BCAS3: variants seen among roughly 807,000 people sequenced by gnomAD.
BCAS3 encodes the protein BCAS4/BCAS3 fusion.
A neutral mutation model predicts 116.1 loss-of-function variants in BCAS3; 53 were observed. The observed-to-expected ratio is 0.46, with a 90% confidence interval of 0.37 to 0.57. BCAS3 has a LOEUF of 0.57. BCAS3 is among the 20% of genes least tolerant of loss of function. BCAS3 has a pLI of 0.00. For missense variants in BCAS3, 917 were observed against 1,165.4 expected (o/e 0.79, Z 3.10); for synonymous variants, 391 against 408.2 (o/e 0.96, Z 0.51).
intron 22 of BCAS3, among the ~76,000 whole-genome samples, chr17:61,210,326 T>C (rs999889033): frequency 3.9e-5 from 6 of 152,178 alleles, no homozygotes; most frequent in Admixed American, 6.6e-5. Context: ...GATCCTGTTG[T>C]ATACAAAGGA....
chr17:60,827,271 C>T (rs946997809), intron 7 of BCAS3, among the ~76,000 whole-genome samples: 1 of 152,184 alleles, frequency 6.6e-6, no homozygotes, highest in Non-Finnish European at 1.5e-5. Context: ...AGGTGTGCCT[C>T]ATACTATTTG....
chr17:60,818,534 A>G (rs2049642642), intron 7 of BCAS3, among the ~76,000 whole-genome samples: 1 of 152,246 alleles, frequency 6.6e-6, no homozygotes, highest in East Asian at 1.9e-4. Context: ...GCCCTTATAT[A>G]TGATACCTGA....
intron 14 of BCAS3, among the ~76,000 whole-genome samples, chr17:60,957,320 G>A (rs934538283): frequency 1.5e-4 from 23 of 152,236 alleles, no homozygotes; most frequent in African/African-American, 5.5e-4. Flanking sequence ...GTTATTAACT[G>A]ATAACTATTT....
intron 7 of BCAS3, among the ~76,000 whole-genome samples, chr17:60,862,451 A>T (rs1413303239): frequency 6.6e-6 from 1 of 152,044 alleles, no homozygotes; most frequent in Non-Finnish European, 1.5e-5. Context: ...GCTTTTTCTC[A>T]TTGGTAGGTT....
At chr17:60,709,097 G>A (rs1598205999) in intron 4 of BCAS3, 122 bp from the exon 5 acceptor site, 4 of 553,174 alleles carry the variant, frequency 7.2e-6, no homozygotes, top group Admixed American at 6.7e-5. Context: ...GCTATGAAGA[G>A]AAGAGAGGAT....
intron 19 of BCAS3, among the ~76,000 whole-genome samples, chr17:61,067,740 A>AATATATAT (rs1334028912): frequency 5.2e-4 from 70 of 133,716 alleles, no homozygotes; most frequent in African/African-American, 2.1e-3. Flanking sequence ...AAAAAAAAAA[A>AATATATAT]ATATATATAT....
chr17:61,115,817 A>C (rs2075395453), intron 22 of BCAS3, among the ~76,000 whole-genome samples: 2 of 150,926 alleles, frequency 1.3e-5, no homozygotes. Flanking sequence ...CATTATTCAC[A>C]ATAGCAAAGA....
chr17:60,977,081 C>T (rs1568014818), intron 14 of BCAS3, among the ~76,000 whole-genome samples: 3 of 151,994 alleles, frequency 2.0e-5, no homozygotes, highest in Admixed American at 1.3e-4. Flanking sequence ...CTGCACCTCC[C>T]GGACGGGGTG....
chr17:61,127,872 C>T (rs2076128922), intron 22 of BCAS3, among the ~76,000 whole-genome samples: 1 of 151,416 alleles, frequency 6.6e-6, no homozygotes. Context: ...CATATACACA[C>T]GAATGCATAC....
chr17:61,197,642 G>C (rs1333327292), intron 22 of BCAS3, among the ~76,000 whole-genome samples: 1 of 152,128 alleles, frequency 6.6e-6, no homozygotes, highest in African/African-American at 2.4e-5. Flanking sequence ...TGCACAGGGA[G>C]GATGCTGTGG....
intron 12 of BCAS3, among the ~76,000 whole-genome samples, chr17:60,914,442 A>G (rs527957992): frequency 2.0e-5 from 3 of 152,324 alleles, no homozygotes; most frequent in African/African-American, 7.2e-5. Context: ...ACTCAATGCC[A>G]GTTGTATTGG....
intron 6 of BCAS3, among the ~76,000 whole-genome samples, chr17:60,779,814 GT>G (rs2045638369): frequency 6.6e-6 from 1 of 152,056 alleles, no homozygotes; most frequent in African/African-American, 2.4e-5. Flanking sequence ...CATTCTCTGA[GT>G]TTTTCTAAAT....
chr17:61,062,594 T>C (rs2070180010), intron 19 of BCAS3, among the ~76,000 whole-genome samples: 1 of 152,208 alleles, frequency 6.6e-6, no homozygotes, highest in African/African-American at 2.4e-5. Flanking sequence ...ATTGTGTGTG[T>C]CTCTCCAGGT....
chr17:60,835,637 T>C (rs1014216091), intron 7 of BCAS3, among the ~76,000 whole-genome samples: 71 of 152,102 alleles, frequency 4.7e-4, no homozygotes, highest in Admixed American at 1.5e-3. Flanking sequence ...GCTTTTCTTA[T>C]CAGGCCATGG....
At chr17:61,133,799 G>A in intron 22 of BCAS3, among the ~76,000 whole-genome samples, 1 of 123,416 alleles carries the variant, frequency 8.1e-6, no homozygotes, top group South Asian at 2.6e-4. Context: ...GCCTCCTGAA[G>A]CAAATGAATT....
At chr17:61,045,963 AT>A (rs1260803366) in intron 19 of BCAS3, among the ~76,000 whole-genome samples, 4 of 11,052 alleles carry the variant, frequency 3.6e-4, no homozygotes, top group African/African-American at 1.2e-3. Context: ...AAATATATAT[AT>A]AATATATATA....
At chr17:60,853,695 A>G (rs769982472) in intron 7 of BCAS3, among the ~76,000 whole-genome samples, 13 of 152,344 alleles carry the variant, frequency 8.5e-5, no homozygotes, top group South Asian at 8.3e-4. Context: ...TAAGTGGTCA[A>G]TTGAATGGAT....
chr17:60,707,851 T>C (rs558706129), intron 4 of BCAS3, among the ~76,000 whole-genome samples: 4 of 152,336 alleles, frequency 2.6e-5, no homozygotes, highest in African/African-American at 9.6e-5. Flanking sequence ...ATAAACCCTA[T>C]ATTTTAGTGA....
At chr17:61,335,787 G>A (rs1017896473) in intron 22 of BCAS3, among the ~76,000 whole-genome samples, 12 of 152,260 alleles carry the variant, frequency 7.9e-5, no homozygotes, top group Non-Finnish European at 1.8e-4. Flanking sequence ...GAAACTGGAA[G>A]CAAGGGAGAA....
Sources: allele counts gnomAD v4.1 joint callset (sites outside exome capture counted in the v4.1 genomes callset), GRCh38; gene constraint gnomAD v4.1.1; transcripts MANE v1.5; gene names NCBI Gene and HGNC (gene_info 2026-07-23, HGNC 2026-07-21).